Variants in RUNX3 observed in about 807,000 individuals in gnomAD.
The protein encoded by RUNX3 is RUNX family transcription factor 3.
A neutral mutation model predicts 27.7 loss-of-function variants in RUNX3; 10 were observed. That is an observed-to-expected ratio of 0.36 (90% confidence interval 0.22 to 0.61). RUNX3 has a LOEUF of 0.61. Ranked by LOEUF, RUNX3 falls within the 20% of genes least tolerant of loss-of-function variation. The pLI is 0.72. For synonymous variants in RUNX3, 270 were observed against 269.2 expected (o/e 1.00, Z -0.03); for missense variants, 469 against 629.5 (o/e 0.75, Z 2.73).
chr1:24,920,333 C>T (rs910594138), intron 2 of RUNX3, among the ~76,000 whole-genome samples: 7 of 151,978 alleles, frequency 4.6e-5, no homozygotes, highest in Admixed American at 1.3e-4. Context: ...AGTGATTTCA[C>T]GGCAGCAGAG....
intron 1 of RUNX3, 183 bp downstream of exon 1, chr1:24,929,404 C>T (rs1232162060): frequency 2.8e-6 from 2 of 717,772 alleles, no homozygotes; most frequent in Non-Finnish European, 5.0e-6. Flanking sequence ...CTGCAGGGCG[C>T]ATCCAAAACG....
At chr1:24,964,511 C>T (rs1331997152) in intron 2 of RUNX3, 1 of 1,608,430 alleles carries the variant, frequency 6.2e-7, no homozygotes, top group Non-Finnish European at 8.5e-7. Flanking sequence ...TATTGTTACT[C>T]ACCGCGGATG....
chr1:24,964,807 C>A, intron 1 of RUNX3: 1 of 1,109,514 alleles, frequency 9.0e-7, no homozygotes, highest in Non-Finnish European at 1.2e-6. Flanking sequence ...AGAAAAAAAT[C>A]CCCAAGGAAA....
At chr1:24,925,530 A>G (rs184409734) in intron 2 of RUNX3, among the ~76,000 whole-genome samples, 116 of 152,322 alleles carry the variant, frequency 7.6e-4, no homozygotes, top group African/African-American at 2.7e-3. Flanking sequence ...CCCATCTCAC[A>G]GATGAGGAAA....
chr1:24,960,725 A>T (rs545030108), intron 2 of RUNX3, among the ~76,000 whole-genome samples: 2 of 151,964 alleles, frequency 1.3e-5, no homozygotes, highest in Non-Finnish European at 2.9e-5. Context: ...ATTCAGAATG[A>T]AGGTTCTGGC....
In RUNX3 at chr1:24,964,685, G is replaced by C. The variant is rs1047882515; in HGVS notation, c.-97-17C>G. The stretch of plus-strand genomic sequence containing the variant: ...CTCTAGCTACTTTTGAAAATAAAAG[G>C]GGGGGGTGTTGCTTTTTGTTGTTTT... On this transcript the variant is annotated splice_polypyrimidine_tract_variant and intron_variant, in intron 1 of 6. Coordinates refer to the RUNX3 transcript ENST00000338888. The C allele has an allele frequency of 2.7e-6, 4 of 1,499,968 alleles. No homozygotes were observed. In the Admixed American group the frequency reaches 8.9e-5, roughly 33 times the overall value. 92.9% of individuals were successfully genotyped at this position (1,499,968 alleles called of 1,614,324 possible).
chr1:24,914,574 C>T (rs1040752479), intron 3 of RUNX3, among the ~76,000 whole-genome samples: 2 of 152,150 alleles, frequency 1.3e-5, no homozygotes, highest in Non-Finnish European at 2.9e-5. Context: ...CGGTTCCCTC[C>T]CAGGGCTGCA....
chr1:24,929,478 G>T, intron 1 of RUNX3, 109 bp downstream of exon 1: 1 of 1,134,980 alleles, frequency 8.8e-7, no homozygotes, highest in South Asian at 1.3e-5. Flanking sequence ...GTGTCGCCGC[G>T]GCGTCTCGGG....
chr1:24,909,463 T>A (rs1640755970), intron 3 of RUNX3, among the ~76,000 whole-genome samples: 1 of 152,146 alleles, frequency 6.6e-6, no homozygotes, highest in Non-Finnish European at 1.5e-5. Context: ...ACCTTGGAGC[T>A]CAAACTCAGT....
At chr1:24,930,430 A>G (rs1233445081), upstream of RUNX3, among the ~76,000 whole-genome samples, 2 of 151,752 alleles carry the variant, frequency 1.3e-5, no homozygotes, top group Non-Finnish European at 2.9e-5. The surrounding 1 kb of genome is among the most constrained non-coding windows in gnomAD (Gnocchi z 4.1). Flanking sequence ...AGGCCGCCCA[A>G]CGGGGAGGGG....
At position 24,927,755 on chromosome 1, in the gene RUNX3, C is replaced by A; in HGVS notation, c.283-25G>T. 6.2e-7 allele frequency: 1 copy of A among 1,611,770 alleles called. No individual in the cohort carries two copies. Among genetic ancestry groups the A allele is most frequent in the Non-Finnish European group, 8.5e-7 (1 of 1,178,306 alleles). On this transcript the variant is annotated intron_variant, in intron 1 of 4. Coordinates refer to ENST00000308873, the MANE Select transcript of RUNX3 (RefSeq NM_004350.3). The surrounding 1 kb of genome is among the most constrained non-coding windows in gnomAD (Gnocchi z 5.0). ...CCTGAAGACACGGGGCGGGGGGATG[C>A]AGGGGGACAGCTTAGAAAGGAAGAG...
intron 1 of RUNX3, chr1:24,929,347 C>T (rs1020016885): frequency 5.8e-6 from 4 of 692,936 alleles, no homozygotes; most frequent in Non-Finnish European, 1.1e-5. Flanking sequence ...CTACGCAAGG[C>T]GCCCCAAAAC....
chr1:24,957,445 C>A (rs1268268690), intron 2 of RUNX3, among the ~76,000 whole-genome samples: 13 of 152,184 alleles, frequency 8.5e-5, no homozygotes, highest in Non-Finnish European at 1.5e-4. Context: ...TGAGCCTGCC[C>A]CTGCTCCCAA....
chr1:24,932,381 C>A (rs1232230652), upstream of RUNX3, among the ~76,000 whole-genome samples: 2 of 152,034 alleles, frequency 1.3e-5, no homozygotes, highest in African/African-American at 4.8e-5. Flanking sequence ...GTCGCGGGGC[C>A]GCCTGGCAGG....
chr1:24,957,566 G>A (rs1391286059), intron 2 of RUNX3, among the ~76,000 whole-genome samples: 13 of 152,232 alleles, frequency 8.5e-5, no homozygotes, highest in African/African-American at 7.2e-5. Context: ...CCAAGGGGGC[G>A]GCCATGAAGC....
At chr1:24,931,712 A>C (rs1349353792), upstream of RUNX3, among the ~76,000 whole-genome samples, 1 of 152,038 alleles carries the variant, frequency 6.6e-6, no homozygotes, top group Non-Finnish European at 1.5e-5. Context: ...CGTCGTTGCC[A>C]AACGAAATCA....
At position 24,911,198 on chromosome 1, in the gene RUNX3, C is replaced by T. The variant is rs540937608; in HGVS notation, c.545-3781G>A. 3.1e-4 allele frequency among the ~76,000 whole-genome samples: 47 copies of T among 152,336 alleles called. No individual in the cohort carries two copies. In the East Asian group the frequency reaches 8.1e-3, roughly 26 times the overall value. On this transcript the variant is annotated intron_variant, in intron 3 of 4. Transcript: ENST00000308873. ...TGGACGTGGGGACCACAGACTGATC[C>T]GACAACAGCCTGAGTGCAAAGGATC...
intron 2 of RUNX3, among the ~76,000 whole-genome samples, chr1:24,956,322 A>G (rs959353194): frequency 6.6e-6 from 1 of 152,260 alleles, no homozygotes; most frequent in African/African-American, 2.4e-5. Context: ...ACAAGTATTA[A>G]AAGTTTGGAA....
At chr1:24,939,464 C>T (rs975260312) in intron 2 of RUNX3, among the ~76,000 whole-genome samples, 2 of 152,174 alleles carry the variant, frequency 1.3e-5, no homozygotes, top group Non-Finnish European at 2.9e-5. Flanking sequence ...ACAGATAGGC[C>T]CCATTATATG....
Sources: gnomAD v4.1 joint callset for allele counts (sites outside exome capture counted in the v4.1 genomes callset) on GRCh38, gnomAD v4.1.1 for gene constraint, Gnocchi (gnomAD v3.1) non-coding constraint, MANE v1.5 for transcripts, NCBI Gene and HGNC (gene_info 2026-07-23, HGNC 2026-07-21) for gene names.